Variants in KLHL1 observed in about 807,000 individuals in gnomAD.
The protein encoded by KLHL1 is kelch-like protein 1.
KLHL1 carries 47 observed loss-of-function variants against 77.7 expected under a neutral mutation model. The ratio of observed to expected loss-of-function variants is 0.60; its 90% CI spans 0.48 to 0.77. The LOEUF (loss-of-function observed/expected upper bound fraction) is 0.77, where lower values mean the gene tolerates loss of function less well. Among genes scored for constraint, KLHL1 ranks in the 30% least tolerant of loss-of-function variants. The pLI is 0.00. For missense variants in KLHL1, 925 were observed against 910.8 expected (o/e 1.02, Z -0.20); for synonymous variants, 360 against 325.2 (o/e 1.11, Z -1.15).
intron 3 of KLHL1, among the ~76,000 whole-genome samples, chr13:69,954,471 T>A (rs1011144160): frequency 1.3e-5 from 2 of 151,236 alleles, no homozygotes; most frequent in Admixed American, 1.3e-4. Flanking sequence ...ATTATAAGAC[T>A]GAGAGCAACA....
chr13:69,965,850 G>A (rs1884196846), intron 2 of KLHL1, among the ~76,000 whole-genome samples: 2 of 152,176 alleles, frequency 1.3e-5, no homozygotes, highest in African/African-American at 4.8e-5. Context: ...TTGAGCCAAA[G>A]CCTAATCCAG....
At chr13:69,911,799 T>C (rs1445573273) in intron 4 of KLHL1, among the ~76,000 whole-genome samples, 1 of 152,134 alleles carries the variant, frequency 6.6e-6, no homozygotes, top group Non-Finnish European at 1.5e-5. Flanking sequence ...TCTATTGTAA[T>C]CTCTTTCTTG....
At chr13:69,810,322 T>C (rs1375440022) in intron 6 of KLHL1, among the ~76,000 whole-genome samples, 1 of 152,034 alleles carries the variant, frequency 6.6e-6, no homozygotes, top group African/African-American at 2.4e-5. Context: ...AAAAACAAAT[T>C]TTAATTATAT....
intron 4 of KLHL1, among the ~76,000 whole-genome samples, chr13:69,921,626 G>A (rs1353289854): frequency 2.0e-5 from 3 of 152,174 alleles, no homozygotes; most frequent in African/African-American, 7.2e-5. Context: ...TATATATTGT[G>A]GGGAAGTTTA....
At chr13:69,917,530 C>T (rs1177168156) in intron 4 of KLHL1, among the ~76,000 whole-genome samples, 1 of 152,054 alleles carries the variant, frequency 6.6e-6, no homozygotes, top group African/African-American at 2.4e-5. Flanking sequence ...ACAAGAAACC[C>T]TTGGAGGAAT....
chr13:69,936,220 A>G (rs1240243021), intron 4 of KLHL1, among the ~76,000 whole-genome samples: 2 of 152,172 alleles, frequency 1.3e-5, no homozygotes, highest in African/African-American at 2.4e-5. Context: ...AGCAGGAATG[A>G]GAGCAATTGC....
rs188734570 is a variant in KLHL1, at chr13:69,949,115, T to C, written c.818-8879A>G. Among the ~76,000 whole-genome samples the C allele has an allele frequency of 2.0e-5, 3 of 152,030 alleles. No homozygotes were observed. The East Asian group carries it at 5.8e-4, about 29-fold the overall frequency. The stretch of plus-strand genomic sequence containing the variant: ...TTCCCCCATTATTAACATCTTACAT[T>C]CGTATGATATACGTGTTATATTAAT... On this transcript the variant is annotated intron_variant, in intron 3 of 10. Coordinates refer to ENST00000377844, the MANE Select transcript of KLHL1 (RefSeq NM_020866.3).
At chr13:70,103,734 A>G (rs1012848892) in intron 1 of KLHL1, among the ~76,000 whole-genome samples, 13 of 152,302 alleles carry the variant, frequency 8.5e-5, no homozygotes, top group African/African-American at 2.6e-4. Flanking sequence ...GGCTTGCACA[A>G]ACTAATTCGT....
In KLHL1 at chr13:69,872,422, T is replaced by C. The variant is rs537756596; in HGVS notation, c.1227+9861A>G. Among the ~76,000 whole-genome samples the C allele has an allele frequency of 3.9e-5, 6 of 152,316 alleles. No homozygotes were observed. In the East Asian group the frequency reaches 7.7e-4, roughly 20 times the overall value. On this transcript the variant is annotated intron_variant, in intron 5 of 10. Transcript: ENST00000377844. ...GTTTCTGACAGATCCCAGCAACTTA[T>C]AGATGCACTGGAGTAAACTTTCCTC...
chr13:69,915,904 A>G (rs1483863702), intron 4 of KLHL1, among the ~76,000 whole-genome samples: 1 of 152,194 alleles, frequency 6.6e-6, no homozygotes, highest in Admixed American at 6.5e-5. Flanking sequence ...CAAGAAAAAA[A>G]CAAACAACCG....
At chr13:69,848,408 A>G (rs1879555857) in intron 5 of KLHL1, among the ~76,000 whole-genome samples, 1 of 151,510 alleles carries the variant, frequency 6.6e-6, no homozygotes, top group Non-Finnish European at 1.5e-5. Flanking sequence ...CCAGGAGTAG[A>G]TAGTTCCTCC....
intron 2 of KLHL1, among the ~76,000 whole-genome samples, chr13:69,962,446 CTTCT>C (rs1050956555): frequency 1.3e-5 from 2 of 151,928 alleles, no homozygotes; most frequent in African/African-American, 4.8e-5. Flanking sequence ...TATAACTCCT[CTTCT>C]TTCTCTTTCC....
chr13:70,053,741 C>T (rs978885), intron 1 of KLHL1, among the ~76,000 whole-genome samples: 101,335 of 151,942 alleles, frequency 0.67, 34,221 homozygotes, highest in East Asian at 0.79. Flanking sequence ...TACATAAAAT[C>T]ACTGAATAAA....
intron 1 of KLHL1, among the ~76,000 whole-genome samples, chr13:70,019,157 G>A (rs1366722377): frequency 1.3e-5 from 2 of 152,132 alleles, no homozygotes; most frequent in Non-Finnish European, 1.5e-5. Flanking sequence ...TGAGGGCTAG[G>A]CAGAGAGAAG....
chr13:69,748,282 A>T (rs1289262164), intron 7 of KLHL1, among the ~76,000 whole-genome samples: 2 of 152,000 alleles, frequency 1.3e-5, no homozygotes, highest in Non-Finnish European at 2.9e-5. Flanking sequence ...TGATAAAGAC[A>T]TACCTGAGAC....
At chr13:69,958,115 ACT>A (rs1384658436) in intron 3 of KLHL1, among the ~76,000 whole-genome samples, 1 of 151,606 alleles carries the variant, frequency 6.6e-6, no homozygotes, top group Non-Finnish European at 1.5e-5. Flanking sequence ...CTGGGTTTTT[ACT>A]CTGTTGTACA....
At chr13:69,764,956 T>C (rs1875215749) in intron 7 of KLHL1, among the ~76,000 whole-genome samples, 1 of 79,322 alleles carries the variant, frequency 1.3e-5, no homozygotes, top group African/African-American at 4.7e-5. Context: ...TTTTTTTTTT[T>C]TTTTTTTTTT....
chr13:69,924,183 G>T (rs1042776651), intron 4 of KLHL1, among the ~76,000 whole-genome samples: 3 of 152,162 alleles, frequency 2.0e-5, no homozygotes, highest in Non-Finnish European at 4.4e-5. Flanking sequence ...AAACAGCCTG[G>T]GCACCATTGA....
At position 70,107,848 on chromosome 13, in the gene KLHL1, C is replaced by G. The variant is rs544464374; in HGVS notation, c.-149G>C. ...GCCAGAAGACGCTAGGTGGGCTGCG[C>G]GCTCTGCCAGGCGAAGGCTGGAGCG... On this transcript the variant is annotated 5_prime_UTR_variant, in exon 1 of 11. Coordinates refer to ENST00000377844, the MANE Select transcript of KLHL1 (RefSeq NM_020866.3). 4 of 619,226 alleles carry G rather than the reference C, an allele frequency of 6.5e-6. No homozygotes were observed. Among genetic ancestry groups the G allele is most frequent in the Admixed American group, 7.2e-5 (2 of 27,828 alleles). 38.4% of individuals were successfully genotyped at this position (619,226 alleles called of 1,614,324 possible). A position where few individuals can be genotyped will look rare whatever the true frequency, so the allele number is the denominator to read the frequency against.
Sources: gnomAD v4.1 joint callset for allele counts (sites outside exome capture counted in the v4.1 genomes callset) on GRCh38, gnomAD v4.1.1 for gene constraint, MANE v1.5 for transcripts, NCBI Gene and HGNC (gene_info 2026-07-23, HGNC 2026-07-21) for gene names.